EYS: variants seen among roughly 807,000 people sequenced by gnomAD.
The protein encoded by EYS is protein eyes shut homolog.
Under a neutral mutation model 282.1 loss-of-function variants are expected in EYS, and 250 were observed. That is an observed-to-expected ratio of 0.89 (90% CI 0.80 to 0.98). The LOEUF is 0.98. Among genes scored for constraint, EYS ranks in the 50% least tolerant of loss-of-function variants. The pLI, the probability that EYS is intolerant of heterozygous loss-of-function variation, is 0.00. For missense variants in EYS, 4,016 were observed against 3,709.0 expected (o/e 1.08, Z -2.15); for synonymous variants, 1,355 against 1,282.9 (o/e 1.06, Z -1.20).
chr6:63,793,111 C>G (rs1193513643), intron 37 of EYS, among the ~76,000 whole-genome samples: 1 of 152,186 alleles, frequency 6.6e-6, no homozygotes, highest in Non-Finnish European at 1.5e-5. Flanking sequence ...TGGGCCAGAA[C>G]TTACTTCAAA....
At chr6:65,657,885 T>A (rs938540599) in intron 1 of EYS, among the ~76,000 whole-genome samples, 1 of 151,774 alleles carries the variant, frequency 6.6e-6, no homozygotes, top group African/African-American at 2.4e-5. Flanking sequence ...TAAGAAATTG[T>A]CAAAGATATC....
chr6:64,906,669 TCA>T (rs1423417379), intron 16 of EYS, among the ~76,000 whole-genome samples: 5 of 152,224 alleles, frequency 3.3e-5, no homozygotes, highest in African/African-American at 4.8e-5. Flanking sequence ...GATTCTGCTC[TCA>T]CTGCAGCTCC....
chr6:64,643,708 A>G lies in EYS; in HGVS notation c.3444-17463T>C, dbSNP rs1768252402. Reference sequence around the variant, plus strand: ...GTGTGGGTCTTTCTCCTGCTTTCTCATGATAGTGAATAAGTCTCATTAGAT... The same window carrying G: ...GTGTGGGTCTTTCTCCTGCTTTCTCGTGATAGTGAATAAGTCTCATTAGAT... On this transcript the variant is annotated intron_variant, in intron 22 of 42. Coordinates refer to ENST00000503581, the MANE Select transcript of EYS (RefSeq NM_001142800.2). 2.0e-5 allele frequency among the ~76,000 whole-genome samples: 3 copies of G among 152,166 alleles called. No homozygotes were observed. The South Asian group carries it at 6.2e-4, about 32-fold the overall frequency.
At chr6:64,812,268 C>T (rs571086656) in intron 22 of EYS, among the ~76,000 whole-genome samples, 1 of 148,468 alleles carries the variant, frequency 6.7e-6, no homozygotes, top group South Asian at 2.1e-4. Context: ...CACACACACA[C>T]AGGTACACAC....
rs148107777 is a variant in EYS, at chr6:64,551,637, A to G, written c.5644+38586T>C. Among the ~76,000 whole-genome samples, 919 of 151,466 alleles carry G rather than the reference A, an allele frequency of 6.1e-3. 12 individuals are homozygous for G. The highest frequency in any genetic ancestry group is 0.021 in the African/African-American group (884 of 41,232). On this transcript the variant is annotated intron_variant, in intron 26 of 42. Coordinates refer to ENST00000503581, the MANE Select transcript of EYS (RefSeq NM_001142800.2). ...CTGCAACCTCTGCCTCCTGGGTTCAAGCTATTCTCCTGACTCAGCCTCCTG... is the reference window on the plus strand; with the variant it reads ...CTGCAACCTCTGCCTCCTGGGTTCAGGCTATTCTCCTGACTCAGCCTCCTG...
intron 41 of EYS, among the ~76,000 whole-genome samples, chr6:63,754,490 G>C (rs1769425957): frequency 6.6e-6 from 1 of 152,222 alleles, no homozygotes. Context: ...CTGGTTTCCA[G>C]CTTCATCCAT....
chr6:64,740,350 A>G (rs1273304682), intron 22 of EYS, among the ~76,000 whole-genome samples: 1 of 152,230 alleles, frequency 6.6e-6, no homozygotes, highest in African/African-American at 2.4e-5. Context: ...TGGAATCTAC[A>G]TAATGGTTAA....
chr6:64,068,835 G>T (rs1433386390), intron 32 of EYS, among the ~76,000 whole-genome samples: 2 of 151,914 alleles, frequency 1.3e-5, no homozygotes, highest in East Asian at 3.9e-4. Flanking sequence ...TGTACTAATT[G>T]GTGGAACTGG....
intron 39 of EYS, among the ~76,000 whole-genome samples, chr6:63,782,876 T>C (rs901008539): frequency 6.6e-5 from 10 of 152,174 alleles, no homozygotes; most frequent in African/African-American, 2.4e-4. Flanking sequence ...CTGCTTTCTC[T>C]TGTTGGCATT....
intron 24 of EYS, among the ~76,000 whole-genome samples, chr6:64,599,506 C>T (rs1385791373): frequency 6.6e-6 from 1 of 152,066 alleles, no homozygotes; most frequent in Non-Finnish European, 1.5e-5. Flanking sequence ...AGCAAATTTA[C>T]TAAATTATAG....
intron 12 of EYS, among the ~76,000 whole-genome samples, chr6:65,067,261 T>C (rs1773774144): frequency 6.6e-6 from 1 of 152,126 alleles, no homozygotes; most frequent in South Asian, 2.1e-4. Context: ...AATACATATG[T>C]CTACACCCAA....
At chr6:64,938,020 C>CA (rs1200647564) in intron 15 of EYS, among the ~76,000 whole-genome samples, 1 of 151,354 alleles carries the variant, frequency 6.6e-6, no homozygotes, top group Non-Finnish European at 1.5e-5. Flanking sequence ...AACCAGTCAC[C>CA]AAAAAACATA....
chr6:65,524,213 G>A (rs1767476210), intron 2 of EYS, among the ~76,000 whole-genome samples: 1 of 150,824 alleles, frequency 6.6e-6, no homozygotes, highest in Non-Finnish European at 1.5e-5. Context: ...TAATCACCCT[G>A]GCCTGCACAG....
chr6:65,638,768 G>A (rs1767178038), intron 2 of EYS, among the ~76,000 whole-genome samples: 1 of 152,212 alleles, frequency 6.6e-6, no homozygotes, highest in Non-Finnish European at 1.5e-5. Context: ...GCTTACCCTT[G>A]GCCGGCGTGG....
chr6:63,857,759 A>G, intron 36 of EYS: 1 of 249,684 alleles, frequency 4.0e-6, no homozygotes, highest in Non-Finnish European at 8.5e-6. Flanking sequence ...AACTTTGAAG[A>G]CATTACAACA....
rs931849997 is a variant in EYS at position 65,694,953 on chromosome 6, C to A, written c.-448+12182G>T. 4.6e-5 allele frequency among the ~76,000 whole-genome samples: 7 copies of A among 151,704 alleles called. 1 individual carries two copies. The highest frequency in any genetic ancestry group is 1.3e-4 in the Admixed American group (2 of 15,208). ...TGACTAAGAGAGAAAATTCCTTAATCTCCCTGATAAAGTCATAAAAATTTT... is the reference window on the plus strand; with the variant it reads ...TGACTAAGAGAGAAAATTCCTTAATATCCCTGATAAAGTCATAAAAATTTT... On this transcript the variant is annotated intron_variant, in intron 1 of 42. Coordinates refer to ENST00000503581, the MANE Select transcript of EYS (RefSeq NM_001142800.2).
chr6:64,731,034 T>A (rs1026100978), intron 22 of EYS: 2 of 152,180 alleles, frequency 1.3e-5, no homozygotes, highest in African/African-American at 4.8e-5. Context: ...AATAACCTCA[T>A]CTTTTACATG....
At chr6:63,924,011 C>CT (rs952129450) in intron 35 of EYS, among the ~76,000 whole-genome samples, 129 of 148,570 alleles carry the variant, frequency 8.7e-4, no homozygotes, top group African/African-American at 1.9e-3. Context: ...TCATAGATCT[C>CT]TTTTTTTTTT....
chr6:64,573,094 G>C (rs765380248), intron 26 of EYS, among the ~76,000 whole-genome samples: 9 of 152,052 alleles, frequency 5.9e-5, no homozygotes, highest in African/African-American at 9.7e-5. Flanking sequence ...CAATGGAACA[G>C]AATAGAGGCC....
Sources: gnomAD v4.1 joint callset for allele counts (sites outside exome capture counted in the v4.1 genomes callset) on GRCh38, gnomAD v4.1.1 for gene constraint, MANE v1.5 for transcripts, NCBI Gene and HGNC (gene_info 2026-07-23, HGNC 2026-07-21) for gene names.